Variants in KHDRBS2 observed in about 807,000 individuals in gnomAD.
KHDRBS2 encodes the protein KH domain-containing, RNA-binding, signal transduction-associated protein 2.
Under a neutral mutation model 44.3 loss-of-function variants are expected in KHDRBS2, and 26 were observed. The ratio of observed to expected loss-of-function variants is 0.59; its 90% confidence interval spans 0.43 to 0.81. The LOEUF (loss-of-function observed/expected upper bound fraction) is 0.81, where lower values mean the gene tolerates loss of function less well. KHDRBS2 is among the 40% of genes least tolerant of loss of function. KHDRBS2 has a pLI of 0.00. For synonymous variants in KHDRBS2, 194 were observed against 151.1 expected (o/e 1.28, Z -2.08); for missense variants, 476 against 433.1 (o/e 1.10, Z -0.88).
the KHDRBS2 span, among the ~76,000 whole-genome samples, chr6:61,640,309 A>C: frequency 3.3e-5 from 5 of 151,732 alleles, no homozygotes; most frequent in Non-Finnish European, 7.4e-5. Flanking sequence ...ATTTCCATAA[A>C]AAGTTTAAAT....
chr6:61,808,904 G>T (rs796467169), intron 6 of KHDRBS2, among the ~76,000 whole-genome samples: 20 of 151,688 alleles, frequency 1.3e-4, no homozygotes, highest in African/African-American at 4.6e-4. Context: ...GGAATAAAGG[G>T]AAGAAAAAAG....
intron 6 of KHDRBS2, among the ~76,000 whole-genome samples, chr6:61,741,777 G>A (rs1265744638): frequency 6.6e-6 from 1 of 151,932 alleles, no homozygotes; most frequent in East Asian, 1.9e-4. Flanking sequence ...TGTGATACCA[G>A]TAAGTCATTG....
chr6:61,684,650 C>T (rs1006471374), intron 8 of KHDRBS2, among the ~76,000 whole-genome samples: 2 of 151,684 alleles, frequency 1.3e-5, no homozygotes, highest in African/African-American at 4.8e-5. Flanking sequence ...AAGATTCTCT[C>T]AATATCAGGA....
At chr6:61,962,532 C>T (rs1211673826) in intron 4 of KHDRBS2, among the ~76,000 whole-genome samples, 1 of 151,832 alleles carries the variant, frequency 6.6e-6, no homozygotes. Flanking sequence ...TGGATGTGAC[C>T]TTTCAACTAA....
At chr6:61,682,851 G>T (rs1432195742) in intron 8 of KHDRBS2, among the ~76,000 whole-genome samples, 1 of 151,742 alleles carries the variant, frequency 6.6e-6, no homozygotes, top group Non-Finnish European at 1.5e-5. Flanking sequence ...ACTGTTTTTG[G>T]TGTACTCAAA....
intron 6 of KHDRBS2, among the ~76,000 whole-genome samples, chr6:61,827,310 C>A (rs1791046577): frequency 6.6e-6 from 1 of 152,146 alleles, no homozygotes; most frequent in African/African-American, 2.4e-5. Flanking sequence ...TGCCTGTGAT[C>A]CCCCGACTAA....
intron 1 of KHDRBS2, among the ~76,000 whole-genome samples, chr6:62,223,303 C>A (rs1396047187): frequency 5.9e-5 from 9 of 152,170 alleles, no homozygotes; most frequent in Admixed American, 2.6e-4. Flanking sequence ...CTGCATTAGC[C>A]CCTTTCAGCC....
chr6:62,132,953 T>C (rs1810670777), intron 2 of KHDRBS2, among the ~76,000 whole-genome samples: 1 of 152,166 alleles, frequency 6.6e-6, no homozygotes, highest in Non-Finnish European at 1.5e-5. Flanking sequence ...CTCAACAGCG[T>C]TTTTCCATAA....
At chr6:62,107,613 C>A (rs916262863) in intron 2 of KHDRBS2, among the ~76,000 whole-genome samples, 4 of 152,004 alleles carry the variant, frequency 2.6e-5, no homozygotes, top group African/African-American at 7.3e-5. Context: ...CATATGGAAC[C>A]AAAAAAGAGC....
intron 6 of KHDRBS2, among the ~76,000 whole-genome samples, chr6:61,734,887 A>G (rs1235973705): frequency 2.0e-5 from 3 of 152,184 alleles, no homozygotes; most frequent in African/African-American, 7.2e-5. Context: ...TATCACCTGA[A>G]GAACTGTGTC....
chr6:61,595,917 G>C, the KHDRBS2 span, among the ~76,000 whole-genome samples: 1 of 151,986 alleles, frequency 6.6e-6, no homozygotes, highest in Non-Finnish European at 1.5e-5. Flanking sequence ...AACTATGACA[G>C]AGGTACCCTC....
intron 2 of KHDRBS2, among the ~76,000 whole-genome samples, chr6:62,167,983 G>A (rs1366827755): frequency 6.6e-6 from 1 of 152,130 alleles, no homozygotes; most frequent in Non-Finnish European, 1.5e-5. Context: ...AGAAGGAAAC[G>A]CACACTCTGT....
chr6:62,152,796 C>T (rs1303849234), intron 2 of KHDRBS2, among the ~76,000 whole-genome samples: 1 of 152,148 alleles, frequency 6.6e-6, no homozygotes, highest in East Asian at 1.9e-4. Context: ...CACATACACA[C>T]ACTATCCTCA....
At position 61,901,389 on chromosome 6, in the gene KHDRBS2, T is replaced by C. The variant is rs765630103; in HGVS notation, c.484-18A>G. On this transcript the variant is annotated intron_variant, in intron 4 of 8. Coordinates refer to ENST00000281156, the MANE Select transcript of KHDRBS2 (RefSeq NM_152688.4). ...TTGTAGTCCTGGAGAAAAAACATGA[T>C]GTGATGAGTTAAAAATGGGACATGC... 9 of 1,601,550 alleles carry C rather than the reference T, an allele frequency of 5.6e-6. No individual in the cohort carries two copies. The highest frequency in any genetic ancestry group is 1.7e-5 in the Admixed American group (1 of 59,100).
At chr6:62,097,340 A>G (rs1469000150) in intron 2 of KHDRBS2, among the ~76,000 whole-genome samples, 1 of 151,964 alleles carries the variant, frequency 6.6e-6, no homozygotes, top group Non-Finnish European at 1.5e-5. Flanking sequence ...AAAGTCCCCT[A>G]CTATTATTGC....
At chr6:61,732,053 G>T (rs942982113) in intron 7 of KHDRBS2, among the ~76,000 whole-genome samples, 2 of 151,980 alleles carry the variant, frequency 1.3e-5, no homozygotes, top group African/African-American at 4.8e-5. Context: ...CTTAATTTTG[G>T]TGGTCATTAC....
chr6:62,106,880 C>A (rs1456684012), intron 2 of KHDRBS2, among the ~76,000 whole-genome samples: 1 of 151,714 alleles, frequency 6.6e-6, no homozygotes, highest in Non-Finnish European at 1.5e-5. Flanking sequence ...AGGCCTTTGA[C>A]AAAATTCAAC....
chr6:61,724,925 A>T (rs1222712324), intron 7 of KHDRBS2, among the ~76,000 whole-genome samples: 2 of 152,202 alleles, frequency 1.3e-5, no homozygotes, highest in Non-Finnish European at 2.9e-5. Context: ...TAACAAAGTT[A>T]TTCAGGACCT....
intron 6 of KHDRBS2, among the ~76,000 whole-genome samples, chr6:61,822,652 C>A (rs1268912280): frequency 6.6e-6 from 1 of 151,866 alleles, no homozygotes. Context: ...ATTTATGTGG[C>A]CCTAGCTTAA....
Sources: gnomAD v4.1 joint callset for allele counts (sites outside exome capture counted in the v4.1 genomes callset) on GRCh38, gnomAD v4.1.1 for gene constraint, MANE v1.5 for transcripts, NCBI Gene and HGNC (gene_info 2026-07-23, HGNC 2026-07-21) for gene names.